Variants in STK3 observed in about 807,000 individuals in gnomAD.
The protein encoded by STK3 is serine/threonine kinase 3.
STK3 carries 41 observed loss-of-function variants against 58.0 expected under a neutral mutation model. The ratio of observed to expected loss-of-function variants is 0.71; its 90% confidence interval spans 0.55 to 0.92. STK3 has a LOEUF of 0.92. Among genes scored for constraint, STK3 ranks in the 40% least tolerant of loss-of-function variants. The pLI is 0.00. For synonymous variants in STK3, 170 were observed against 191.0 expected (o/e 0.89, Z 0.91); for missense variants, 479 against 602.7 (o/e 0.79, Z 2.15).
chr8:98,913,690 C>T (rs1839235364), intron 1 of STK3, among the ~76,000 whole-genome samples: 1 of 152,282 alleles, frequency 6.6e-6, no homozygotes, highest in Non-Finnish European at 1.5e-5. Context: ...AACTGAATCC[C>T]TTTCCACACT....
At chr8:98,845,930 C>G (rs563093379) in intron 3 of STK3, among the ~76,000 whole-genome samples, 1 of 152,306 alleles carries the variant, frequency 6.6e-6, no homozygotes, top group African/African-American at 2.4e-5. Flanking sequence ...GACCAGGCTG[C>G]CTTTAAGCCA....
intron 2 of STK3, 39 bp downstream of exon 2, chr8:98,774,700 C>T: frequency 7.3e-7 from 1 of 1,376,436 alleles, no homozygotes; most frequent in Admixed American, 2.3e-5. Context: ...TTAAATTGTT[C>T]TGAAATTATT....
At chr8:98,497,362 G>T (rs1823218993) in intron 10 of STK3, among the ~76,000 whole-genome samples, 1 of 152,000 alleles carries the variant, frequency 6.6e-6, no homozygotes, top group Non-Finnish European at 1.5e-5. Flanking sequence ...ACATGTAAGT[G>T]TAAAGCTTTG....
At chr8:98,855,860 A>T (rs1836648871) in intron 3 of STK3, among the ~76,000 whole-genome samples, 1 of 152,028 alleles carries the variant, frequency 6.6e-6, no homozygotes, top group Admixed American at 6.6e-5. Flanking sequence ...ATCTCTATTG[A>T]AAATACAAAA....
intron 10 of STK3, among the ~76,000 whole-genome samples, chr8:98,521,056 T>C (rs1825324038): frequency 6.6e-6 from 1 of 152,188 alleles, no homozygotes; most frequent in African/African-American, 2.4e-5. Context: ...TTTATTTCCA[T>C]TTCCATTCCG....
intron 6 of STK3, chr8:98,602,203 T>C (rs953528185): frequency 3.9e-5 from 6 of 152,170 alleles, no homozygotes; most frequent in African/African-American, 1.2e-4. Flanking sequence ...GTGTCTTCTA[T>C]TGTCTGAATG....
chr8:98,813,035 T>A (rs76663926), intron 1 of STK3, among the ~76,000 whole-genome samples: 65 of 146,436 alleles, frequency 4.4e-4, no homozygotes, highest in Non-Finnish European at 3.8e-4. Context: ...TAAAGCACAA[T>A]AAAAAAAAAA....
At chr8:98,685,442 C>A (rs995162898) in intron 6 of STK3, among the ~76,000 whole-genome samples, 1 of 152,082 alleles carries the variant, frequency 6.6e-6, no homozygotes, top group Admixed American at 6.5e-5. Flanking sequence ...GAAGTTGAGA[C>A]CTGTTTATTC....
chr8:98,663,800 T>A (rs1192259182), intron 6 of STK3, among the ~76,000 whole-genome samples: 1 of 152,200 alleles, frequency 6.6e-6, no homozygotes, highest in African/African-American at 2.4e-5. Flanking sequence ...ATTTTCTCAC[T>A]CATAGGTGGG....
intron 6 of STK3, among the ~76,000 whole-genome samples, chr8:98,621,095 A>G (rs1174499282): frequency 6.6e-6 from 1 of 152,020 alleles, no homozygotes; most frequent in Non-Finnish European, 1.5e-5. Flanking sequence ...ACGCCCAGCT[A>G]ATTTTTTGTA....
chr8:98,562,538 G>A (rs1812128414), intron 8 of STK3, among the ~76,000 whole-genome samples: 1 of 151,778 alleles, frequency 6.6e-6, no homozygotes, highest in Non-Finnish European at 1.5e-5. Flanking sequence ...GAAGCACAAT[G>A]GATTTTTTTT....
At chr8:98,590,655 C>T (rs559921566) in intron 7 of STK3, among the ~76,000 whole-genome samples, 1 of 152,218 alleles carries the variant, frequency 6.6e-6, no homozygotes, top group Non-Finnish European at 1.5e-5. Flanking sequence ...GACCACTAAA[C>T]AGCTGTTTTT....
At chr8:98,610,443 A>G (rs1817107705) in intron 6 of STK3, among the ~76,000 whole-genome samples, 1 of 152,198 alleles carries the variant, frequency 6.6e-6, no homozygotes, top group Non-Finnish European at 1.5e-5. Context: ...TGCAACAATA[A>G]TTCAATTCAA....
rs553721363 is a variant in STK3 at position 98,768,557 on chromosome 8, T to C, written c.108-1186A>G. Among the ~76,000 whole-genome samples the C allele has an allele frequency of 2.6e-5, 4 of 152,312 alleles. No individual in the cohort carries two copies. In the South Asian group the frequency reaches 8.3e-4, roughly 32 times the overall value. ...ATTGGGCTGGGTGTGGGGGAATGTA[T>C]GTGTGTGTATCTCCCCTTGAAAGCC... On this transcript the variant is annotated intron_variant, in intron 2 of 10. Transcript: ENST00000419617.
the STK3 span, among the ~76,000 whole-genome samples, chr8:98,358,037 A>G: frequency 1.3e-5 from 2 of 152,292 alleles, no homozygotes; most frequent in South Asian, 4.1e-4. Flanking sequence ...AACATCAACA[A>G]GCGAGGGGAT....
chr8:98,543,273 C>T (rs1042862763), intron 9 of STK3, among the ~76,000 whole-genome samples: 35 of 152,092 alleles, frequency 2.3e-4, no homozygotes, highest in Non-Finnish European at 4.0e-4. Context: ...AAGTAGGAAC[C>T]AGAGCATATA....
intron 4 of STK3, among the ~76,000 whole-genome samples, chr8:98,739,671 T>C (rs1829000188): frequency 6.7e-6 from 1 of 148,224 alleles, no homozygotes. Flanking sequence ...AACTGGAAAC[T>C]CTAAAAAGCA....
chr8:98,677,580 G>A (rs1245907253), intron 6 of STK3, among the ~76,000 whole-genome samples: 1 of 152,072 alleles, frequency 6.6e-6, no homozygotes, highest in Non-Finnish European at 1.5e-5. Context: ...GAAGGAGACG[G>A]AGATGGAGAT....
chr8:98,587,518 G>C (rs1335661987), intron 7 of STK3, among the ~76,000 whole-genome samples: 4 of 152,040 alleles, frequency 2.6e-5, no homozygotes, highest in Non-Finnish European at 5.9e-5. Flanking sequence ...TTACTTCAAA[G>C]TATGTGGTCA....
Sources: allele counts gnomAD v4.1 joint callset (sites outside exome capture counted in the v4.1 genomes callset), GRCh38; gene constraint gnomAD v4.1.1; transcripts MANE v1.5; gene names NCBI Gene and HGNC (gene_info 2026-07-23, HGNC 2026-07-21).